The following CACNA2D3 variants were observed in gnomAD, a reference collection of about 807,000 sequenced individuals.
CACNA2D3 encodes the protein calcium voltage-gated channel auxiliary subunit alpha2delta 3.
A neutral mutation model predicts 160.6 loss-of-function variants in CACNA2D3; 60 were observed. That is an observed-to-expected ratio of 0.37 (90% CI 0.30 to 0.46). CACNA2D3 has a LOEUF of 0.46. CACNA2D3 is among the 20% of genes least tolerant of loss of function. The pLI is 1.00. For missense variants in CACNA2D3, 1,205 were observed against 1,365.0 expected, an observed-to-expected ratio of 0.88 and a Z score of 1.85; for synonymous variants, 558 against 492.9, an observed-to-expected ratio of 1.13 and a Z score of -1.75.
chr3:54,556,156 T>C (rs2106694676), intron 5 of CACNA2D3, among the ~76,000 whole-genome samples: 1 of 152,314 alleles, frequency 6.6e-6, no homozygotes, highest in East Asian at 1.9e-4. Context: ...ATGTTCACGT[T>C]CTGATCTCCA....
intron 17 of CACNA2D3, among the ~76,000 whole-genome samples, chr3:54,858,715 C>T (rs78620921): frequency 0.011 from 1,673 of 152,162 alleles, 35 homozygotes; most frequent in African/African-American, 0.038. Context: ...TGGACTTGAC[C>T]GAGAGATAAC....
intron 2 of CACNA2D3, chr3:54,273,205 G>A (rs1702657226): frequency 6.6e-6 from 1 of 152,222 alleles, no homozygotes; most frequent in Admixed American, 6.5e-5. Flanking sequence ...GAAGGCCCAG[G>A]GTTTGTTCTT....
At chr3:54,663,052 A>T (rs1181119383) in intron 11 of CACNA2D3, among the ~76,000 whole-genome samples, 3 of 152,212 alleles carry the variant, frequency 2.0e-5, no homozygotes, top group Non-Finnish European at 4.4e-5. Context: ...GGATAAAATT[A>T]TTGAGGAGAA....
At chr3:54,723,001 C>T (rs1171579893) in intron 11 of CACNA2D3, among the ~76,000 whole-genome samples, 1 of 152,200 alleles carries the variant, frequency 6.6e-6, no homozygotes, top group Admixed American at 6.5e-5. Flanking sequence ...CATAGCCGCC[C>T]CCTCCGCCAG....
intron 4 of CACNA2D3, among the ~76,000 whole-genome samples, chr3:54,416,896 T>C (rs1699762815): frequency 6.6e-6 from 1 of 152,160 alleles, no homozygotes; most frequent in South Asian, 2.1e-4. Context: ...ATTTTTTAAA[T>C]TGGATACAAA....
intron 11 of CACNA2D3, among the ~76,000 whole-genome samples, chr3:54,670,131 A>AG (rs1700131896): frequency 6.6e-6 from 1 of 152,200 alleles, no homozygotes; most frequent in Non-Finnish European, 1.5e-5. Flanking sequence ...AGGAATTGCA[A>AG]GGCTTCACAG....
chr3:54,661,218 C>G (rs982698130), intron 11 of CACNA2D3, among the ~76,000 whole-genome samples: 1 of 152,148 alleles, frequency 6.6e-6, no homozygotes, highest in Non-Finnish European at 1.5e-5. Flanking sequence ...GTGTCTAGAG[C>G]CTTCTAGGTC....
At chr3:54,703,329 A>G (rs1216628647) in intron 11 of CACNA2D3, among the ~76,000 whole-genome samples, 6 of 152,204 alleles carry the variant, frequency 3.9e-5, no homozygotes. Flanking sequence ...CATGTGATTC[A>G]TTTTATCCAT....
intron 15 of CACNA2D3, among the ~76,000 whole-genome samples, chr3:54,837,773 G>T (rs1212089523): frequency 6.6e-6 from 1 of 152,094 alleles, no homozygotes; most frequent in Non-Finnish European, 1.5e-5. Context: ...CTGTTTCCAT[G>T]TGACCTGTTC....
intron 3 of CACNA2D3, among the ~76,000 whole-genome samples, chr3:54,374,950 A>T (rs1698984765): frequency 6.6e-6 from 1 of 152,112 alleles, no homozygotes; most frequent in Non-Finnish European, 1.5e-5. Flanking sequence ...CCCCCGACAC[A>T]GGCTCCCCTC....
At chr3:54,605,506 G>A (rs1698586398) in intron 9 of CACNA2D3, among the ~76,000 whole-genome samples, 1 of 151,902 alleles carries the variant, frequency 6.6e-6, no homozygotes, top group Non-Finnish European at 1.5e-5. Context: ...ACTCTTAGTG[G>A]GACCACCCTG....
intron 17 of CACNA2D3, among the ~76,000 whole-genome samples, chr3:54,863,455 C>T (rs551958270): frequency 6.6e-5 from 10 of 152,252 alleles, no homozygotes; most frequent in Admixed American, 2.0e-4. Flanking sequence ...ATTGCCGGCA[C>T]GAAAGGTTCC....
At chr3:54,343,393 G>T (rs188597634) in intron 3 of CACNA2D3, among the ~76,000 whole-genome samples, 115 of 152,218 alleles carry the variant, frequency 7.6e-4, no homozygotes, top group African/African-American at 2.5e-3. Flanking sequence ...CTGGTTTCAA[G>T]GGATCCTCTC....
intron 13 of CACNA2D3, among the ~76,000 whole-genome samples, chr3:54,773,099 C>T (rs1187049156): frequency 6.6e-6 from 1 of 152,210 alleles, no homozygotes; most frequent in East Asian, 1.9e-4. Context: ...CTTTTCAAAC[C>T]AATTTAGTTG....
intron 16 of CACNA2D3, among the ~76,000 whole-genome samples, chr3:54,841,411 A>G (rs1698817546): frequency 6.6e-6 from 1 of 152,218 alleles, no homozygotes; most frequent in Admixed American, 6.5e-5. Flanking sequence ...CCAAGGGTCA[A>G]GCTGGGAACC....
chr3:54,872,548 G>T (rs1278526353), intron 18 of CACNA2D3, among the ~76,000 whole-genome samples: 6 of 152,082 alleles, frequency 3.9e-5, no homozygotes, highest in Non-Finnish European at 8.8e-5. Flanking sequence ...CCATTTGAAA[G>T]CCCAGCCTGG....
chr3:54,259,632 C>T (rs1463591008), intron 2 of CACNA2D3, among the ~76,000 whole-genome samples: 1 of 152,164 alleles, frequency 6.6e-6, no homozygotes, highest in African/African-American at 2.4e-5. Flanking sequence ...TCATGAGGCT[C>T]ATACCATCAT....
At chr3:54,820,761 T>A (rs1703572039) in intron 14 of CACNA2D3, among the ~76,000 whole-genome samples, 1 of 152,216 alleles carries the variant, frequency 6.6e-6, no homozygotes, top group Admixed American at 6.5e-5. Flanking sequence ...TAAAAATTCT[T>A]CTTTACTTCT....
intron 9 of CACNA2D3, among the ~76,000 whole-genome samples, chr3:54,596,178 T>C (rs1034989094): frequency 1.3e-5 from 2 of 152,084 alleles, no homozygotes; most frequent in East Asian, 1.9e-4. Context: ...TCCAAGTCCA[T>C]TGATTCTCCC....
Sources: gnomAD v4.1 joint callset for allele counts (sites outside exome capture counted in the v4.1 genomes callset) on GRCh38, gnomAD v4.1.1 for gene constraint, MANE v1.5 for transcripts, NCBI Gene and HGNC (gene_info 2026-07-23, HGNC 2026-07-21) for gene names.